The following NEGR1 variants were observed in gnomAD, a reference collection of about 807,000 sequenced individuals.
NEGR1 encodes the protein IgLON family member 4.
In NEGR1, 10 loss-of-function variants were observed where a neutral mutation model predicts 40.9. The observed-to-expected ratio is 0.24, with a 90% confidence interval of 0.15 to 0.42. The LOEUF is 0.42. Ranked by LOEUF, NEGR1 falls within the 10% of genes least tolerant of loss-of-function variation. The probability of loss-of-function intolerance (pLI) is 1.00; values close to 1 mark genes in which losing one functional copy is unlikely to be tolerated. For synonymous variants in NEGR1, 185 were observed against 166.8 expected (o/e 1.11, Z -0.84); for missense variants, 352 against 438.9 (o/e 0.80, Z 1.77).
At chr1:71,625,547 T>C (rs1356025813) in intron 4 of NEGR1, among the ~76,000 whole-genome samples, 1 of 151,924 alleles carries the variant, frequency 6.6e-6, no homozygotes, top group Admixed American at 6.6e-5. Context: ...TGCCATTTTA[T>C]ATATAAGGGA....
chr1:71,640,425 C>T (rs1240197634), intron 4 of NEGR1, among the ~76,000 whole-genome samples: 1 of 152,008 alleles, frequency 6.6e-6, no homozygotes, highest in Non-Finnish European at 1.5e-5. Context: ...CTCCTCTGGC[C>T]TTCCCTACTG....
At chr1:72,013,528 A>G (rs1348802470) in intron 1 of NEGR1, among the ~76,000 whole-genome samples, 3 of 152,144 alleles carry the variant, frequency 2.0e-5, no homozygotes, top group African/African-American at 7.2e-5. Flanking sequence ...TTCTTTTATT[A>G]CAAACATACA....
intron 1 of NEGR1, among the ~76,000 whole-genome samples, chr1:72,207,675 T>C (rs1653459833): frequency 6.6e-6 from 1 of 151,760 alleles, no homozygotes; most frequent in Non-Finnish European, 1.5e-5. Context: ...AGTTGTTTGT[T>C]GGAAAAACGT....
chr1:71,868,462 G>C (rs1019142777), intron 2 of NEGR1, among the ~76,000 whole-genome samples: 4 of 139,182 alleles, frequency 2.9e-5, no homozygotes, highest in African/African-American at 1.1e-4. Context: ...TAGATAGATA[G>C]ATAGACAGAA....
chr1:72,270,248 A>T (rs564630136), intron 1 of NEGR1, among the ~76,000 whole-genome samples: 40 of 152,002 alleles, frequency 2.6e-4, no homozygotes, highest in Non-Finnish European at 4.9e-4. Context: ...CTGTGGATTC[A>T]ATCTGAATCA....
At chr1:71,777,967 G>C (rs1018758321) in intron 2 of NEGR1, among the ~76,000 whole-genome samples, 5 of 151,652 alleles carry the variant, frequency 3.3e-5, no homozygotes, top group Non-Finnish European at 7.4e-5. Flanking sequence ...CCAAACAGAG[G>C]GGTCTTTTCA....
At chr1:71,423,842 T>C (rs1452430635) in intron 6 of NEGR1, among the ~76,000 whole-genome samples, 1 of 149,568 alleles carries the variant, frequency 6.7e-6, no homozygotes, top group Non-Finnish European at 1.5e-5. Flanking sequence ...TTTTTTTTTT[T>C]CAAAATTAGT....
chr1:72,157,390 T>G (rs898121289), intron 1 of NEGR1, among the ~76,000 whole-genome samples: 7 of 152,202 alleles, frequency 4.6e-5, no homozygotes, highest in Admixed American at 3.3e-4. Flanking sequence ...AAAAGATACA[T>G]TTAGTATAAA....
chr1:72,258,319 A>G (rs988208422), intron 1 of NEGR1, among the ~76,000 whole-genome samples: 1 of 152,198 alleles, frequency 6.6e-6, no homozygotes, highest in Non-Finnish European at 1.5e-5. Flanking sequence ...TATGGCTAGA[A>G]ATATCAATAG....
chr1:72,119,462 T>TA (rs757321512), intron 1 of NEGR1, among the ~76,000 whole-genome samples: 25 of 151,876 alleles, frequency 1.6e-4, no homozygotes, highest in South Asian at 2.1e-4. Flanking sequence ...GCCTTAGTAT[T>TA]AAAAAAATGA....
At chr1:72,214,777 T>A (rs1041016086) in intron 1 of NEGR1, among the ~76,000 whole-genome samples, 2 of 151,716 alleles carry the variant, frequency 1.3e-5, no homozygotes, top group East Asian at 3.9e-4. Flanking sequence ...TAAATGGCCA[T>A]ACTGCCCAAA....
intron 1 of NEGR1, among the ~76,000 whole-genome samples, chr1:72,216,679 G>C (rs1165963995): frequency 1.3e-5 from 2 of 150,616 alleles, no homozygotes; most frequent in African/African-American, 4.9e-5. Flanking sequence ...AATATTCTTT[G>C]ATCACTATGC....
chr1:72,275,283 A>G lies in NEGR1; in HGVS notation c.176+7036T>C, dbSNP rs1656009455. On this transcript the variant is annotated intron_variant, in intron 1 of 6. Coordinates refer to ENST00000357731, the MANE Select transcript of NEGR1 (RefSeq NM_173808.3). ...CCACATTTTTTTCTGTAATAGATACAGCAGAGTAATTAAAACTCAATTTGA... is the reference window on the plus strand; with the variant it reads ...CCACATTTTTTTCTGTAATAGATACGGCAGAGTAATTAAAACTCAATTTGA... 4 of 480,776 alleles carry G rather than the reference A, an allele frequency of 8.3e-6. No homozygotes were observed. In the Admixed American group the frequency reaches 1.4e-4, roughly 17 times the overall value. The allele number at this position is 480,776 out of a possible 1,614,324, so 29.8% of individuals were successfully genotyped here. A position where few individuals can be genotyped will look rare whatever the true frequency, so the allele number is the denominator to read the frequency against.
intron 1 of NEGR1, among the ~76,000 whole-genome samples, chr1:72,202,187 A>G (rs1344740044): frequency 6.6e-6 from 1 of 151,944 alleles, no homozygotes; most frequent in Admixed American, 6.6e-5. Flanking sequence ...AACCATGCTC[A>G]TATATGACAG....
intron 1 of NEGR1, among the ~76,000 whole-genome samples, chr1:72,061,257 C>A (rs1647167726): frequency 6.6e-6 from 1 of 151,702 alleles, no homozygotes; most frequent in African/African-American, 2.4e-5. Flanking sequence ...AACAAAGGAG[C>A]ACAGTGACCT....
intron 1 of NEGR1, among the ~76,000 whole-genome samples, chr1:72,282,012 G>A (rs202120053): frequency 8.5e-5 from 13 of 152,182 alleles, no homozygotes; most frequent in African/African-American, 2.9e-4. Flanking sequence ...CAGTAAAACA[G>A]AGACCTTGTG....
chr1:71,605,167 T>G (rs1650040202), intron 5 of NEGR1, among the ~76,000 whole-genome samples: 1 of 152,188 alleles, frequency 6.6e-6, no homozygotes, highest in African/African-American at 2.4e-5. Context: ...AATACTATTT[T>G]TAAAATCTAT....
intron 4 of NEGR1, among the ~76,000 whole-genome samples, chr1:71,662,090 T>A (rs1328837590): frequency 6.6e-6 from 1 of 152,210 alleles, no homozygotes; most frequent in Non-Finnish European, 1.5e-5. Context: ...ATCTAGGACT[T>A]AAGTGAGCAG....
chr1:72,058,215 A>G (rs530052354), intron 1 of NEGR1, among the ~76,000 whole-genome samples: 1 of 151,776 alleles, frequency 6.6e-6, no homozygotes, highest in South Asian at 2.1e-4. Flanking sequence ...TCAGTCAAGT[A>G]AGTTGGAAAG....
Sources: allele counts gnomAD v4.1 joint callset (sites outside exome capture counted in the v4.1 genomes callset), GRCh38; gene constraint gnomAD v4.1.1; transcripts MANE v1.5; gene names NCBI Gene and HGNC (gene_info 2026-07-23, HGNC 2026-07-21).